The following CYRIB variants were observed in gnomAD, a reference collection of about 807,000 sequenced individuals.
CYRIB encodes the protein CYFIP-related Rac1 interactor B.
Under a neutral mutation model 44.2 loss-of-function variants are expected in CYRIB, and 8 were observed. The observed-to-expected ratio is 0.18, with a 90% CI of 0.11 to 0.33. The LOEUF is 0.33. Ranked by LOEUF, CYRIB falls within the 10% of genes least tolerant of loss-of-function variation. CYRIB has a pLI of 1.00. For missense variants in CYRIB, 185 were observed against 382.8 expected (o/e 0.48, Z 4.31); for synonymous variants, 131 against 127.2 (o/e 1.03, Z -0.20).
intron 1 of CYRIB, among the ~76,000 whole-genome samples, chr8:129,976,210 A>C (rs1259661412): frequency 6.6e-6 from 1 of 152,138 alleles, no homozygotes; most frequent in African/African-American, 2.4e-5. Context: ...CCTGTTAATA[A>C]AATTATAAAC....
At chr8:129,854,400 A>C in intron 6 of CYRIB, 57 bp from the exon 9 acceptor site, 1 of 1,281,890 alleles carries the variant, frequency 7.8e-7, no homozygotes, top group Non-Finnish European at 1.1e-6. Flanking sequence ...ATGTAAAAAA[A>C]CTAAGTAAAA....
intron 11 of CYRIB, among the ~76,000 whole-genome samples, chr8:129,845,149 T>C (rs888302873): frequency 7.9e-5 from 12 of 152,282 alleles, no homozygotes; most frequent in Non-Finnish European, 1.5e-4. Flanking sequence ...GCTTTCATTC[T>C]AAGGAAAAGG....
At chr8:129,849,209 C>A (rs772571784) in intron 10 of CYRIB, 34 bp downstream of exon 12, 2 of 1,542,796 alleles carry the variant, frequency 1.3e-6, no homozygotes, top group South Asian at 2.5e-5. Flanking sequence ...TGGAGAAACT[C>A]GTTTGAAATT....
chr8:129,921,874 T>C (rs1170621623), intron 1 of CYRIB, among the ~76,000 whole-genome samples: 1 of 151,002 alleles, frequency 6.6e-6, no homozygotes, highest in Non-Finnish European at 1.5e-5. Context: ...AGAAGAGGAG[T>C]TCAGTTTTGG....
intron 7 of CYRIB, among the ~76,000 whole-genome samples, chr8:129,852,667 A>T (rs138734448): frequency 2.0e-3 from 304 of 152,294 alleles, no homozygotes; most frequent in African/African-American, 6.7e-3. Flanking sequence ...ATTAAGTTGG[A>T]ACAGAAGAAA....
rs183642775 is a variant in CYRIB, at chr8:129,945,215, A to C, written c.-243+25728T>G. ...AGCCTGAGGTCCAAGTTTCCACAGA[A>C]GCTGGTTTTCATGTCCTAACTCCCT... On this transcript the variant is annotated intron_variant, in intron 2 of 14. Coordinates refer to the CYRIB transcript ENST00000401979. Among the ~76,000 whole-genome samples the C allele has an allele frequency of 4.6e-4, 70 of 152,348 alleles. No individual in the cohort carries two copies. In the South Asian group the frequency reaches 0.01, roughly 22 times the overall value.
At chr8:130,006,594 T>TTATATATATATA in intron 1 of CYRIB, among the ~76,000 whole-genome samples, 3 of 15,320 alleles carry the variant, frequency 2.0e-4, no homozygotes, top group African/African-American at 4.1e-4. Context: ...AAAACACAAA[T>TTATATATATATA]TATATATATA....
At chr8:129,992,962 G>A (rs777286455) in intron 1 of CYRIB, among the ~76,000 whole-genome samples, 2 of 152,166 alleles carry the variant, frequency 1.3e-5, no homozygotes, top group Non-Finnish European at 2.9e-5. Context: ...TTCCTCTCTG[G>A]TAGCATAGTG....
chr8:129,917,118 C>A (rs1388611158), intron 1 of CYRIB, among the ~76,000 whole-genome samples: 1 of 152,156 alleles, frequency 6.6e-6, no homozygotes, highest in Admixed American at 6.5e-5. Context: ...GATCAAATAT[C>A]CACCATGTGG....
At chr8:129,939,388 A>G (rs1468552165) in intron 1 of CYRIB, among the ~76,000 whole-genome samples, 2 of 151,600 alleles carry the variant, frequency 1.3e-5, no homozygotes, top group African/African-American at 4.8e-5. Flanking sequence ...GGAAGACCCG[A>G]ATGAATGAGC....
At chr8:129,980,203 G>A (rs1281358861) in intron 1 of CYRIB, among the ~76,000 whole-genome samples, 3 of 140,266 alleles carry the variant, frequency 2.1e-5, no homozygotes, top group African/African-American at 8.3e-5. Flanking sequence ...ACTCCAGCCC[G>A]GGCAACAGAG....
rs137985502 is a variant in CYRIB at position 129,971,382 on chromosome 8, G to A, written c.-295-387C>T. On this transcript the variant is annotated intron_variant, in intron 1 of 14. Coordinates refer to the CYRIB transcript ENST00000401979. ...TGCTGAATTACAGGCATGAACCACCGCACCCAGCCCCAGATAGCATTTGTA... is the reference window on the plus strand; with the variant it reads ...TGCTGAATTACAGGCATGAACCACCACACCCAGCCCCAGATAGCATTTGTA... Among the ~76,000 whole-genome samples the A allele has an allele frequency of 3.0e-3, 452 of 152,166 alleles. 2 individuals carry two copies. The highest frequency in any genetic ancestry group is 4.5e-3 in the Non-Finnish European group (303 of 68,008).
chr8:130,010,691 G>A (rs568561022), intron 1 of CYRIB, among the ~76,000 whole-genome samples: 2 of 152,180 alleles, frequency 1.3e-5, no homozygotes, highest in East Asian at 3.9e-4. Context: ...TTGTCACTTT[G>A]TCATATGTGT....
intron 3 of CYRIB, among the ~76,000 whole-genome samples, chr8:129,874,386 G>A (rs1347974727): frequency 6.6e-6 from 1 of 151,932 alleles, no homozygotes; most frequent in Non-Finnish European, 1.5e-5. Flanking sequence ...CAATATAACT[G>A]CTAAAATTGA....
At chr8:129,849,522 A>C (rs754884413) in intron 9 of CYRIB, 153 bp from the exon 12 acceptor site, 4 of 631,290 alleles carry the variant, frequency 6.3e-6, no homozygotes, top group Middle Eastern at 4.4e-4. Flanking sequence ...ACACTGATAC[A>C]TTCAAATCTT....
intron 10 of CYRIB, among the ~76,000 whole-genome samples, chr8:129,847,600 G>C (rs1034734017): frequency 6.6e-6 from 1 of 152,236 alleles, no homozygotes; most frequent in East Asian, 1.9e-4. Context: ...ACTGCACCTG[G>C]AGTTATGAGA....
chr8:129,885,265 G>A (rs575370628), intron 2 of CYRIB, among the ~76,000 whole-genome samples: 20 of 152,246 alleles, frequency 1.3e-4, no homozygotes, highest in Middle Eastern at 3.4e-3. Context: ...GCCTTTCTCT[G>A]CCAACCTTCT....
intron 3 of CYRIB, among the ~76,000 whole-genome samples, chr8:129,878,050 T>C (rs982382712): frequency 1.3e-5 from 2 of 152,210 alleles, no homozygotes; most frequent in Non-Finnish European, 2.9e-5. Context: ...AAAGTCATGC[T>C]AAACATGCAC....
chr8:130,011,344 A>C (rs1480375864), intron 1 of CYRIB, among the ~76,000 whole-genome samples: 3 of 151,388 alleles, frequency 2.0e-5, no homozygotes, highest in Admixed American at 1.3e-4. Context: ...AATATGGGGA[A>C]ACCCTGTCTC....
Sources: gnomAD v4.1 joint callset for allele counts (sites outside exome capture counted in the v4.1 genomes callset) on GRCh38, gnomAD v4.1.1 for gene constraint, MANE v1.5 for transcripts, NCBI Gene and HGNC (gene_info 2026-07-23, HGNC 2026-07-21) for gene names.